DNAH12: variants seen among roughly 807,000 people sequenced by gnomAD.
DNAH12 encodes dynein axonemal heavy chain 12, also known as axonemal beta dynein heavy chain 12.
Under a neutral mutation model 371.5 loss-of-function variants are expected in DNAH12, and 285 were observed. The ratio of observed to expected loss-of-function variants is 0.77; its 90% CI spans 0.70 to 0.85. The LOEUF (loss-of-function observed/expected upper bound fraction) is 0.85, where lower values mean the gene tolerates loss of function less well. Among genes scored for constraint, DNAH12 ranks in the 40% least tolerant of loss-of-function variants. The pLI, the probability that DNAH12 is intolerant of heterozygous loss-of-function variation, is 0.00. For synonymous variants in DNAH12, 1,200 were observed against 1,213.0 expected (o/e 0.99, Z 0.22); for missense variants, 3,611 against 3,689.4 (o/e 0.98, Z 0.55).
At position 57,410,540 on chromosome 3, in the gene DNAH12, C is replaced by T. The variant is rs186950581; in HGVS notation, c.6021-2005G>A. ...TAGGCCAATTAATAATCCTCCAGGCCGGGTGTGGTGGCTCATACCTGTAAT... is the reference window on the plus strand; with the variant it reads ...TAGGCCAATTAATAATCCTCCAGGCTGGGTGTGGTGGCTCATACCTGTAAT... On this transcript the variant is annotated intron_variant, in intron 39 of 73. Coordinates refer to ENST00000495027, the MANE Select transcript of DNAH12 (RefSeq NM_001366028.2). Among the ~76,000 whole-genome samples, 77 of 152,054 alleles carry T rather than the reference C, an allele frequency of 5.1e-4. 1 individual carries two copies. The highest frequency in any genetic ancestry group is 1.2e-3 in the South Asian group (6 of 4,814).
intron 45 of DNAH12, among the ~76,000 whole-genome samples, chr3:57,390,381 C>G (rs2063589742): frequency 1.2e-5 from 1 of 82,962 alleles, no homozygotes; most frequent in Admixed American, 1.5e-4. Flanking sequence ...CCAGTGCACT[C>G]CAGCCTGGGC....
At chr3:57,323,984 G>A (rs1464828118) in intron 62 of DNAH12, among the ~76,000 whole-genome samples, 2 of 152,336 alleles carry the variant, frequency 1.3e-5, no homozygotes, top group African/African-American at 4.8e-5. Flanking sequence ...TGCAGGTAAT[G>A]TGGCCATGTG....
chr3:57,342,466 C>T (rs1334492301), intron 60 of DNAH12, among the ~76,000 whole-genome samples: 4 of 110,090 alleles, frequency 3.6e-5, no homozygotes, highest in African/African-American at 1.4e-4. Context: ...TGGTGAAACC[C>T]TATCTCTACT....
At chr3:57,337,891 CA>C (rs1341857148) in intron 60 of DNAH12, among the ~76,000 whole-genome samples, 1 of 152,212 alleles carries the variant, frequency 6.6e-6, no homozygotes, top group African/African-American at 2.4e-5. Context: ...AAGACATTTA[CA>C]GAACATTTCA....
chr3:57,433,390 T>C lies in DNAH12; in HGVS notation c.4957A>G (p.Thr1653Ala). 2 of 1,551,184 alleles carry C rather than the reference T, an allele frequency of 1.3e-6. No individual in the cohort carries two copies. Among genetic ancestry groups the C allele is most frequent in the Non-Finnish European group, 1.7e-6 (2 of 1,146,812 alleles). ...ACCTTTTTATTATCATCCAATACTG[T>C]GTTCATGCTCTCTATCCACAAAGTG... ...IDTLWIESMN[T>A]VLDDNKKLCL... Residue 1653 changes from threonine to alanine, a missense_variant, in exon 32 of 74, where the codon ACA (threonine) becomes GCA (alanine). Thr to Ala is a moderately conservative substitution (Grantham distance 58). Coordinates refer to ENST00000495027, the MANE Select transcript of DNAH12 (RefSeq NM_001366028.2).
intron 65 of DNAH12, among the ~76,000 whole-genome samples, chr3:57,318,599 T>C (rs553898062): frequency 3.3e-5 from 5 of 152,186 alleles, no homozygotes; most frequent in Admixed American, 6.5e-5. Flanking sequence ...CCAAAACTTT[T>C]TGAGTACCAA....
Position 57,458,127 on chromosome 3 carries a change from G to C in DNAH12, c.3025C>G (p.Leu1009Val). 3 of 1,547,464 alleles carry C rather than the reference G, an allele frequency of 1.9e-6. No individual in the cohort carries two copies. Among genetic ancestry groups the C allele is most frequent in the Non-Finnish European group, 2.6e-6 (3 of 1,145,950 alleles). The change falls in exon 21 of 74, where the codon CTT becomes GTT. Residue 1009 changes from leucine (L) to valine (V), a missense_variant. Transcript: ENST00000495027. The part of the protein sequence containing the change: ...EKIMKGLNAY[L>V]EKKRLFFPRF... ...GGGAAGAAAAGACGTTTCTTTTCAAGATATGCGTTAAGACCTTTCATAATT... is the reference window on the plus strand; with the variant it reads ...GGGAAGAAAAGACGTTTCTTTTCAACATATGCGTTAAGACCTTTCATAATT...
chr3:57,364,650 C>T (rs1329516073), intron 57 of DNAH12, among the ~76,000 whole-genome samples: 1 of 152,136 alleles, frequency 6.6e-6, no homozygotes, highest in Non-Finnish European at 1.5e-5. Context: ...AGCTTCTGCA[C>T]AGCAAAATAA....
intron 25 of DNAH12, among the ~76,000 whole-genome samples, chr3:57,448,545 G>T (rs188606997): frequency 6.6e-6 from 1 of 152,234 alleles, no homozygotes; most frequent in East Asian, 1.9e-4. Flanking sequence ...GACCCAGAGT[G>T]AGCAGTAGCA....
intron 65 of DNAH12, among the ~76,000 whole-genome samples, chr3:57,321,806 T>C (rs559975024): frequency 4.6e-5 from 7 of 152,324 alleles, no homozygotes; most frequent in African/African-American, 1.7e-4. Context: ...TGGTAAGAAT[T>C]CAGGCAGGGA....
Position 57,302,827 on chromosome 3 carries a change from C to T in DNAH12, c.11190-888G>A, listed in dbSNP as rs540093088. Reference sequence around the variant, plus strand: ...CTGACCTCAGGTGATTCACCTGCCTCGGCCTCCCAAAGTGCTGGGATTACA... The same window carrying T: ...CTGACCTCAGGTGATTCACCTGCCTTGGCCTCCCAAAGTGCTGGGATTACA... On this transcript the variant is annotated intron_variant, in intron 69 of 73. Coordinates refer to ENST00000495027, the MANE Select transcript of DNAH12 (RefSeq NM_001366028.2). Among the ~76,000 whole-genome samples the T allele has an allele frequency of 3.4e-4, 50 of 149,132 alleles. No individual in the cohort carries two copies. In the East Asian group the frequency reaches 9.3e-3, roughly 28 times the overall value.
chr3:57,445,179 T>A lies in DNAH12; in HGVS notation c.4420A>T (p.Ile1474Leu). Residue 1474 changes from isoleucine (I) to leucine (L), a missense_variant, in exon 28 of 74, where the codon ATA (isoleucine) becomes TTA (leucine). By Grantham distance (5) the Ile-to-Leu change is conservative. Coordinates refer to ENST00000495027, the MANE Select transcript of DNAH12 (RefSeq NM_001366028.2). ...TGTGTATATTTAATACTTACAAGTA[T>A]ATCTTCATTTTCATTTGGGTATTTT... ...KLKYPNENED[I>L]LLLRSIKDVN... The A allele has an allele frequency of 6.5e-7, 1 of 1,539,988 alleles. No homozygotes were observed. The highest frequency in any genetic ancestry group is 8.8e-7 in the Non-Finnish European group (1 of 1,140,058).
chr3:57,323,468 C>A lies in DNAH12; in HGVS notation c.10129+1G>T. ...TAAAAGTTTACAGTATATGCACTTA[C>A]TGGCCATAGGATCTGCTCCTGGAGA... is the stretch of plus-strand genomic sequence containing the variant. On this transcript the variant is annotated splice_donor_variant, in intron 63 of 73. Transcript: ENST00000495027. LOFTEE classifies it high-confidence loss of function. 2 of 1,541,466 alleles carry A rather than the reference C, an allele frequency of 1.3e-6. No individual in the cohort carries two copies. The highest frequency in any genetic ancestry group is 1.7e-6 in the Non-Finnish European group (2 of 1,144,112).
rs1040776212 is a variant in DNAH12 at position 57,483,585 on chromosome 3, C to T, written c.1515-74G>A. On this transcript the variant is annotated intron_variant, in intron 12 of 73. Transcript: ENST00000495027. Reference sequence around the variant, plus strand: ...CATATTCAATAAATGTGTGTTATGACGATTACTATAAAATAAGAACTATGA... The same window carrying T: ...CATATTCAATAAATGTGTGTTATGATGATTACTATAAAATAAGAACTATGA... 36 of 1,396,866 alleles carry T rather than the reference C, an allele frequency of 2.6e-5. No individual in the cohort carries two copies. In the Middle Eastern group the frequency reaches 8.1e-4, roughly 31 times the overall value. The allele number at this position is 1,396,866 out of a possible 1,614,324, so 86.5% of individuals were successfully genotyped here.
chr3:57,409,284 G>A (rs146000184), intron 39 of DNAH12, among the ~76,000 whole-genome samples: 3,606 of 152,226 alleles, frequency 0.024, 68 homozygotes, highest in Admixed American at 0.035. Flanking sequence ...AGAGGCTGGG[G>A]TAGGAGTCTA....
chr3:57,309,935 T>G, intron 67 of DNAH12, 81 bp from the exon 68 acceptor site: 1 of 1,246,054 alleles, frequency 8.0e-7, no homozygotes, highest in South Asian at 1.8e-5. Context: ...CTCCAAAATA[T>G]GCTACTTTGG....
chr3:57,421,488 T>C lies in DNAH12; in HGVS notation c.5562+30A>G, dbSNP rs17058102. 4.0e-3 allele frequency: 6,143 copies of C among 1,549,162 alleles called. 186 individuals are homozygous for C. In the African/African-American group the frequency reaches 0.074, roughly 19 times the overall value. ...TGCTGGCCTAAGCCTTTGTGTTTTA[T>C]CTTACCATAACAAGCTTTTTATGTC... On this transcript the variant is annotated intron_variant, in intron 36 of 73. Transcript: ENST00000495027.
rs1227878547 is a variant in DNAH12 at position 57,538,128 on chromosome 3, AAGG to A, written c.170+4570_170+4572del. On this transcript the variant is annotated intron_variant, in intron 2 of 73. Coordinates refer to ENST00000495027, the MANE Select transcript of DNAH12 (RefSeq NM_001366028.2). ...GTTTTCAAAGAATGAGCTTATTAAT[AAGG>A]AGAAGGAAAAAAATGAAGTGGAATT... Among the ~76,000 whole-genome samples, 5 of 152,350 alleles carry A rather than the reference AAGG, an allele frequency of 3.3e-5. No individual in the cohort carries two copies. The East Asian group carries it at 7.7e-4, about 23-fold the overall frequency.
intron 60 of DNAH12, among the ~76,000 whole-genome samples, chr3:57,336,327 T>C (rs1402193353): frequency 6.6e-6 from 1 of 152,156 alleles, no homozygotes; most frequent in Non-Finnish European, 1.5e-5. Flanking sequence ...ATAATTTAAC[T>C]AGCCAGTAAG....
Sources: gnomAD v4.1 joint callset for allele counts (sites outside exome capture counted in the v4.1 genomes callset) on GRCh38, gnomAD v4.1.1 for gene constraint, MANE v1.5 for transcripts, NCBI Gene and HGNC (gene_info 2026-07-23, HGNC 2026-07-21) for gene names.